The following LMBR1 variants were observed in gnomAD, a reference collection of about 807,000 sequenced individuals.
LMBR1 encodes the protein limb region 1 protein homolog.
LMBR1 carries 52 observed loss-of-function variants against 73.9 expected under a neutral mutation model. The observed-to-expected ratio is 0.70, with a 90% CI of 0.56 to 0.89. LMBR1 has a LOEUF of 0.89. Ranked by LOEUF, LMBR1 falls within the 40% of genes least tolerant of loss-of-function variation. LMBR1 has a pLI of 0.00. For missense variants in LMBR1, 539 were observed against 579.8 expected (o/e 0.93, Z 0.72); for synonymous variants, 215 against 209.4 (o/e 1.03, Z -0.23).
chr7:156,829,193 C>T (rs956594811), intron 3 of LMBR1, among the ~76,000 whole-genome samples: 1 of 152,234 alleles, frequency 6.6e-6, no homozygotes, highest in African/African-American at 2.4e-5. Context: ...CAAGGAGACA[C>T]CCCTCTGCGC....
intron 8 of LMBR1, among the ~76,000 whole-genome samples, chr7:156,757,016 G>A (rs1345017491): frequency 8.6e-5 from 13 of 152,032 alleles, no homozygotes; most frequent in Admixed American, 8.5e-4. Context: ...GGGTTTCACC[G>A]TGTTGACCAA....
At chr7:156,860,698 T>C (rs1413455978) in intron 1 of LMBR1, among the ~76,000 whole-genome samples, 1 of 152,276 alleles carries the variant, frequency 6.6e-6, no homozygotes, top group East Asian at 1.9e-4. Flanking sequence ...CTAGACACAA[T>C]GAGGGTACAA....
Position 156,728,681 on chromosome 7 carries a change from A to C in LMBR1, c.878T>G (p.Val293Gly). 1 of 1,604,060 alleles carries C rather than the reference A, an allele frequency of 6.2e-7. No individual in the cohort carries two copies. The highest frequency in any genetic ancestry group is 8.5e-7 in the Non-Finnish European group (1 of 1,177,536). The change falls in exon 11 of 17, where the codon GTG becomes GGG. Residue 293 changes from valine (V) to glycine (G), a missense_variant. Transcript: ENST00000353442. ...AAGGAGAACCATAACAGCGGGATACACCAAATTTCTTTCCCATGCTGAAGC... is the reference window on the plus strand; with the variant it reads ...AAGGAGAACCATAACAGCGGGATACCCCAAATTTCTTTCCCATGCTGAAGC... ...KKASAWERNL[V>G]YPAVMVLLLI...
chr7:156,836,899 A>T lies in LMBR1; in HGVS notation c.67-14T>A. On this transcript the variant is annotated splice_polypyrimidine_tract_variant and intron_variant, in intron 1 of 16. Transcript: ENST00000353442. ...AAGGAAACATATCTGAAACAAAACG[A>T]AGTTAACAGATCATTTACTTTTTTG... 1 of 1,512,106 alleles carries T rather than the reference A, an allele frequency of 6.6e-7. No homozygotes were observed. Among genetic ancestry groups the T allele is most frequent in the Non-Finnish European group, 9.0e-7 (1 of 1,110,794 alleles). The allele number at this position is 1,512,106 out of a possible 1,614,324, so 93.7% of individuals were successfully genotyped here.
intron 8 of LMBR1, among the ~76,000 whole-genome samples, chr7:156,758,484 C>T (rs1822328566): frequency 6.6e-6 from 1 of 152,100 alleles, no homozygotes; most frequent in African/African-American, 2.4e-5. Context: ...GAGGTGGGAC[C>T]CTGTAGGAAG....
intron 1 of LMBR1, among the ~76,000 whole-genome samples, chr7:156,837,984 T>C (rs1406457594): frequency 3.3e-5 from 5 of 152,078 alleles, no homozygotes; most frequent in East Asian, 1.9e-4. Context: ...GATGGGGTTT[T>C]ACCATGTTGG....
intron 1 of LMBR1, among the ~76,000 whole-genome samples, chr7:156,879,204 T>A (rs1179742630): frequency 2.0e-5 from 3 of 152,096 alleles, no homozygotes; most frequent in Non-Finnish European, 4.4e-5. Flanking sequence ...TGAGACTTAA[T>A]TAAACTAAAG....
chr7:156,840,964 C>CAAAAAAA (rs57968006), intron 1 of LMBR1, among the ~76,000 whole-genome samples: 22 of 71,058 alleles, frequency 3.1e-4, no homozygotes, highest in Non-Finnish European at 4.2e-4. Context: ...GACTCGGTCT[C>CAAAAAAA]AAAAAAAAAA....
In LMBR1 at chr7:156,836,852, C is replaced by T; in HGVS notation, c.100G>A (p.Val34Ile). The part of the protein sequence containing the change: ...CFLLFAILYV[V>I]SYFIITRYKR... ...TATCTTGTGATGATGAAGTAGGAAA[C>T]AACGTAGAGAATGGCAAAAAGAAGG... Residue 34 changes from valine to isoleucine, a missense_variant, in exon 2 of 17, where the codon GTT becomes ATT. Physicochemically the swap from Val to Ile is conservative, Grantham distance 29. Around this residue, in one of 3 missense-constraint regions of LMBR1, gnomAD observed 454 missense variants for 473.4 expected, o/e 0.96. Coordinates refer to ENST00000353442, the MANE Select transcript of LMBR1 (RefSeq NM_022458.4). 1 of 1,581,164 alleles carries T rather than the reference C, an allele frequency of 6.3e-7. No homozygotes were observed. Among genetic ancestry groups the T allele is most frequent in the Non-Finnish European group, 8.6e-7 (1 of 1,159,860 alleles).
At chr7:156,849,560 A>C (rs954452277) in intron 1 of LMBR1, among the ~76,000 whole-genome samples, 2 of 152,200 alleles carry the variant, frequency 1.3e-5, no homozygotes, top group African/African-American at 2.4e-5. Context: ...CTTGCTGCTA[A>C]GTGAAAGAAG....
At chr7:156,866,711 C>A (rs1798516846) in intron 1 of LMBR1, among the ~76,000 whole-genome samples, 1 of 150,528 alleles carries the variant, frequency 6.6e-6, no homozygotes, top group East Asian at 1.9e-4. Context: ...TCAAGAGATT[C>A]TCCTGCCTCA....
chr7:156,689,858 A>C (rs2131906407), intron 15 of LMBR1, among the ~76,000 whole-genome samples: 1 of 152,340 alleles, frequency 6.6e-6, no homozygotes, highest in African/African-American at 2.4e-5. Flanking sequence ...TTTATTTTTC[A>C]AATACAGTAC....
At chr7:156,882,417 G>A (rs1351922226) in intron 1 of LMBR1, among the ~76,000 whole-genome samples, 1 of 152,156 alleles carries the variant, frequency 6.6e-6, no homozygotes, top group Non-Finnish European at 1.5e-5. Context: ...GAAAAAGAGT[G>A]AGACTCCATC....
intron 4 of LMBR1, among the ~76,000 whole-genome samples, chr7:156,671,364 A>G (rs1205029729): frequency 2.6e-5 from 4 of 152,206 alleles, no homozygotes; most frequent in Non-Finnish European, 4.4e-5. Flanking sequence ...TATATGTACT[A>G]TAATATACAC....
chr7:156,854,353 A>AG (rs1796651732), intron 1 of LMBR1, among the ~76,000 whole-genome samples: 1 of 152,208 alleles, frequency 6.6e-6, no homozygotes, highest in African/African-American at 2.4e-5. Context: ...GTCTAGTCTC[A>AG]GGGGGGACTC....
chr7:156,794,448 A>AT (rs1489254799), intron 5 of LMBR1, among the ~76,000 whole-genome samples: 2 of 152,000 alleles, frequency 1.3e-5, no homozygotes, highest in Non-Finnish European at 2.9e-5. Context: ...ATTTTTTGTC[A>AT]TTTTTTTCTT....
At chr7:156,859,393 T>G (rs1797420661) in intron 1 of LMBR1, among the ~76,000 whole-genome samples, 1 of 152,136 alleles carries the variant, frequency 6.6e-6, no homozygotes, top group Non-Finnish European at 1.5e-5. Flanking sequence ...GCATACATAT[T>G]TGGAAGAAAG....
At chr7:156,700,717 C>A (rs1006682541) in intron 15 of LMBR1, among the ~76,000 whole-genome samples, 4 of 152,116 alleles carry the variant, frequency 2.6e-5, no homozygotes, top group African/African-American at 9.7e-5. Flanking sequence ...TTCCTTTCTT[C>A]TTCTGAGCCC....
At chr7:156,855,681 A>T (rs941852239) in intron 1 of LMBR1, among the ~76,000 whole-genome samples, 4 of 151,264 alleles carry the variant, frequency 2.6e-5, no homozygotes, top group Non-Finnish European at 5.9e-5. Flanking sequence ...AAAAAAAAAA[A>T]AAAAAACCTA....
Sources: gnomAD v4.1 joint callset for allele counts (sites outside exome capture counted in the v4.1 genomes callset) on GRCh38, gnomAD v4.1.1 for gene constraint, gnomAD v4.1.1 regional missense constraint, MANE v1.5 for transcripts, NCBI Gene and HGNC (gene_info 2026-07-23, HGNC 2026-07-21) for gene names.